The following MED27 variants were observed in gnomAD, a reference collection of about 807,000 sequenced individuals.
MED27 encodes the protein mediator complex subunit 27, also known as mediator of RNA polymerase II transcription subunit 27.
MED27 carries 30 observed loss-of-function variants against 38.2 expected under a neutral mutation model. That is an observed-to-expected ratio of 0.79 (90% CI 0.59 to 1.07). The LOEUF (loss-of-function observed/expected upper bound fraction) is 1.07, where lower values mean the gene tolerates loss of function less well. Ranked by LOEUF, MED27 falls within the 50% of genes least tolerant of loss-of-function variation. The pLI is 0.00. For missense variants in MED27, 289 were observed against 397.5 expected, an observed-to-expected ratio of 0.73 and a Z score of 2.32; for synonymous variants, 122 against 153.5, an observed-to-expected ratio of 0.79 and a Z score of 1.52.
chr9:131,947,729 C>G (rs1830911432), intron 3 of MED27, among the ~76,000 whole-genome samples: 1 of 151,786 alleles, frequency 6.6e-6, no homozygotes, highest in Non-Finnish European at 1.5e-5. Flanking sequence ...GCCAGTGATC[C>G]CATGTTAGTG....
At chr9:132,077,953 C>A (rs1337279964) in intron 1 of MED27, among the ~76,000 whole-genome samples, 1 of 152,162 alleles carries the variant, frequency 6.6e-6, no homozygotes, top group East Asian at 1.9e-4. Context: ...AGTTTTCAGA[C>A]CCACGTGCAG....
intron 2 of MED27, among the ~76,000 whole-genome samples, chr9:132,057,868 G>C (rs190587303): frequency 1.8e-3 from 272 of 152,282 alleles, no homozygotes; most frequent in Non-Finnish European, 3.3e-3. Flanking sequence ...CCGGTGAAAT[G>C]GCATGCACCA....
At position 132,051,756 on chromosome 9, in the gene MED27, A is replaced by G. The variant is rs1833469619; in HGVS notation, c.348+25686T>C. 1.3e-5 allele frequency among the ~76,000 whole-genome samples: 2 copies of G among 152,204 alleles called. No homozygotes were observed. The highest frequency in any genetic ancestry group is 4.1e-4 in the South Asian group (2 of 4,830). On this transcript the variant is annotated intron_variant, in intron 2 of 7. Coordinates refer to ENST00000292035, the MANE Select transcript of MED27 (RefSeq NM_004269.4). This position sits in a 1 kb window ranked among gnomAD's most constrained non-coding sequence, Gnocchi z 4.2. ...GTGGCTAGTGGCTACCACGTGGGATAATGTGGATACAGAACATTTCCATCA... is the reference window on the plus strand; with the variant it reads ...GTGGCTAGTGGCTACCACGTGGGATGATGTGGATACAGAACATTTCCATCA...
intron 6 of MED27, among the ~76,000 whole-genome samples, chr9:131,867,524 C>T (rs542824540): frequency 1.4e-4 from 22 of 152,362 alleles, no homozygotes; most frequent in African/African-American, 4.1e-4. Flanking sequence ...AAATGGGCCA[C>T]CATGTTGGCC....
At chr9:131,938,684 G>A (rs1472290832) in intron 4 of MED27, among the ~76,000 whole-genome samples, 5 of 151,930 alleles carry the variant, frequency 3.3e-5, no homozygotes, top group Non-Finnish European at 7.4e-5. Flanking sequence ...ATAATATTCT[G>A]GTTTTATATT....
intron 3 of MED27, among the ~76,000 whole-genome samples, chr9:131,977,911 G>A (rs538025651): frequency 2.0e-5 from 3 of 152,266 alleles, no homozygotes; most frequent in Non-Finnish European, 2.9e-5. Flanking sequence ...CTTTGTAGAC[G>A]TGTTCCAGCT....
intron 3 of MED27, among the ~76,000 whole-genome samples, chr9:131,948,109 T>G (rs1273316508): frequency 2.0e-5 from 3 of 152,224 alleles, no homozygotes; most frequent in Non-Finnish European, 4.4e-5. Context: ...ATTTGCTTAC[T>G]TCTCAGATTT....
chr9:132,070,682 C>T (rs9411437), intron 2 of MED27, among the ~76,000 whole-genome samples: 20,962 of 95,404 alleles, frequency 0.22, 1,559 homozygotes, highest in East Asian at 0.42. Context: ...CTTTGGTGTG[C>T]ACAAATATCT....
intron 2 of MED27, 44 bp from the exon 3 acceptor site, chr9:132,014,511 G>A (rs754642240): frequency 6.3e-7 from 1 of 1,592,424 alleles, no homozygotes; most frequent in Non-Finnish European, 8.6e-7. Flanking sequence ...AATAGCATTT[G>A]GTAAAAGTAG....
At chr9:131,878,603 C>T (rs1307376342) in intron 6 of MED27, among the ~76,000 whole-genome samples, 2 of 152,108 alleles carry the variant, frequency 1.3e-5, no homozygotes, top group African/African-American at 2.4e-5. Context: ...ACACACACTC[C>T]ACCTCTCTCT....
chr9:132,064,743 T>C (rs1249884393), intron 2 of MED27, among the ~76,000 whole-genome samples: 1 of 152,234 alleles, frequency 6.6e-6, no homozygotes, highest in Non-Finnish European at 1.5e-5. Context: ...GACACCAGGA[T>C]AGCAAGACAA....
chr9:131,959,321 C>G (rs144248748), intron 3 of MED27, among the ~76,000 whole-genome samples: 1 of 152,184 alleles, frequency 6.6e-6, no homozygotes, highest in African/African-American at 2.4e-5. Context: ...CATGTATACC[C>G]GCACTAAGTG....
intron 4 of MED27, among the ~76,000 whole-genome samples, chr9:131,896,077 T>G (rs1017577123): frequency 6.6e-6 from 1 of 152,108 alleles, no homozygotes; most frequent in Non-Finnish European, 1.5e-5. Context: ...TTTTTTGTAT[T>G]TTTAGTAGAG....
intron 3 of MED27, among the ~76,000 whole-genome samples, chr9:131,964,061 G>A (rs1831280796): frequency 6.6e-6 from 1 of 152,080 alleles, no homozygotes; most frequent in South Asian, 2.1e-4. Context: ...GGAGAGTGGA[G>A]AAGGTGGTAT....
intron 2 of MED27, 35 bp downstream of exon 2, chr9:132,077,407 C>G: frequency 6.3e-7 from 1 of 1,593,916 alleles, no homozygotes; most frequent in East Asian, 2.2e-5. Context: ...ACTTGGTTTT[C>G]CATATATTAG....
intron 4 of MED27, among the ~76,000 whole-genome samples, chr9:131,904,555 C>T (rs1830018433): frequency 6.8e-6 from 1 of 146,750 alleles, no homozygotes; most frequent in South Asian, 2.2e-4. Context: ...GGAGCGGTCT[C>T]ACTATGTTGC....
At chr9:131,894,048 A>AG in intron 4 of MED27, 56 bp from the exon 5 acceptor site, 1 of 1,414,346 alleles carries the variant, frequency 7.1e-7, no homozygotes, top group Non-Finnish European at 1.0e-6. Context: ...AAAGTTGGGC[A>AG]GGGGTGTGAG....
intron 2 of MED27, among the ~76,000 whole-genome samples, chr9:132,027,526 T>A (rs1178978139): frequency 6.6e-6 from 1 of 152,238 alleles, no homozygotes; most frequent in Non-Finnish European, 1.5e-5. Flanking sequence ...TGCCTTCTGA[T>A]GCTTCACACC....
At chr9:131,920,575 A>C (rs374086330) in intron 4 of MED27, among the ~76,000 whole-genome samples, 84 of 152,372 alleles carry the variant, frequency 5.5e-4, no homozygotes, top group African/African-American at 1.9e-3. Context: ...AGCAATAAGC[A>C]TAACAATAAG....
Sources: gnomAD v4.1 joint callset for allele counts (sites outside exome capture counted in the v4.1 genomes callset) on GRCh38, gnomAD v4.1.1 for gene constraint, Gnocchi (gnomAD v3.1) non-coding constraint, MANE v1.5 for transcripts, NCBI Gene and HGNC (gene_info 2026-07-23, HGNC 2026-07-21) for gene names.